TMEM154: variants seen among roughly 807,000 people sequenced by gnomAD.
TMEM154 encodes transmembrane protein 154.
TMEM154 carries 27 observed loss-of-function variants against 24.5 expected under a neutral mutation model. The observed-to-expected ratio is 1.10, with a 90% confidence interval of 0.81 to 1.52. The LOEUF (loss-of-function observed/expected upper bound fraction) is 1.52, where lower values mean the gene tolerates loss of function less well. Among genes scored for constraint, TMEM154 ranks in the 40% most tolerant of loss-of-function variants. The probability of loss-of-function intolerance (pLI) is 0.00; values close to 1 mark genes in which losing one functional copy is unlikely to be tolerated. For missense variants in TMEM154, 228 were observed against 213.4 expected, an observed-to-expected ratio of 1.07 and a Z score of -0.43; for synonymous variants, 67 against 76.8, an observed-to-expected ratio of 0.87 and a Z score of 0.67.
chr4:152,674,763 T>G (rs1227365006), intron 1 of TMEM154, among the ~76,000 whole-genome samples: 2 of 152,174 alleles, frequency 1.3e-5, no homozygotes, highest in Non-Finnish European at 2.9e-5. Flanking sequence ...TTATAGTAGC[T>G]TGGTGACAGG....
Position 152,628,400 on chromosome 4 carries a change from TG to T in TMEM154, c.*145del. On this transcript the variant is annotated 3_prime_UTR_variant, in exon 7 of 7. Transcript: ENST00000304385. Reference sequence around the variant, plus strand: ...CAAGTGATGCCATCATTAGGAAGAGTGGGCGTTGGAAGAAACAGCAAAAGGT... The same window carrying T: ...CAAGTGATGCCATCATTAGGAAGAGTGGCGTTGGAAGAAACAGCAAAAGGT... The T allele has an allele frequency of 7.7e-7, 1 of 1,299,626 alleles. No homozygotes were observed. Among genetic ancestry groups the T allele is most frequent in the Non-Finnish European group, 1.1e-6 (1 of 913,698 alleles). The allele number at this position is 1,299,626 out of a possible 1,614,324, so 80.5% of individuals were successfully genotyped here.
At chr4:152,669,670 C>A (rs1043554514) in intron 1 of TMEM154, 1 of 152,114 alleles carries the variant, frequency 6.6e-6, no homozygotes, top group African/African-American at 2.4e-5. Context: ...TAAATGAATG[C>A]ATTTAGTGTT....
chr4:152,679,984 C>A lies in TMEM154; in HGVS notation c.-51G>T, dbSNP rs1490413463. 1 of 1,541,290 alleles carries A rather than the reference C, an allele frequency of 6.5e-7. No homozygotes were observed. The highest frequency in any genetic ancestry group is 1.9e-5 in the Admixed American group (1 of 53,280). On this transcript the variant is annotated 5_prime_UTR_variant, in exon 1 of 7. Transcript: ENST00000304385. ...CTCAGGATGCTGCGCCGGGCTGCAG[C>A]CTCTCTGAAACGTGAACATTTCCTG...
At chr4:152,646,812 TTGTTTCCACGCTGAG>T (rs1728250668) in intron 3 of TMEM154, 1 of 606,736 alleles carries the variant, frequency 1.6e-6, no homozygotes. Flanking sequence ...CTTCCTTTTC[TTGTTTCCACGCTGAG>T]CAGTGAGCAA....
intron 6 of TMEM154, among the ~76,000 whole-genome samples, chr4:152,636,192 G>A (rs1752145329): frequency 6.6e-6 from 1 of 152,192 alleles, no homozygotes; most frequent in Admixed American, 6.5e-5. Flanking sequence ...CTACACAGAA[G>A]TTAAAACAAT....
chr4:152,651,921 A>G (rs1728391222), intron 3 of TMEM154, among the ~76,000 whole-genome samples: 1 of 152,208 alleles, frequency 6.6e-6, no homozygotes, highest in South Asian at 2.1e-4. Context: ...TAGGGTTATG[A>G]ATTGGCCTAA....
intron 1 of TMEM154, among the ~76,000 whole-genome samples, chr4:152,671,464 T>A (rs1010385064): frequency 5.3e-5 from 8 of 152,018 alleles, no homozygotes; most frequent in South Asian, 2.1e-4. Flanking sequence ...GAAAATAGCC[T>A]AGGCCGGGCG....
At position 152,623,959 on chromosome 4, in the gene TMEM154, C is replaced by T. The variant is rs1187307334; in HGVS notation, c.*4587G>A. 6.6e-6 allele frequency: 1 copy of T among 151,192 alleles called. No homozygotes were observed. The highest frequency in any genetic ancestry group is 2.4e-5 in the African/African-American group (1 of 41,178). 9.4% of individuals were successfully genotyped at this position (151,192 alleles called of 1,614,324 possible). ...AGTCCAGTTACTTATTTACAAAATA[C>T]TAAAGGCCAATGATAAGGTGATATG... On this transcript the variant is annotated 3_prime_UTR_variant, in exon 7 of 7. Coordinates refer to ENST00000304385, the MANE Select transcript of TMEM154 (RefSeq NM_152680.3).
intron 1 of TMEM154, among the ~76,000 whole-genome samples, chr4:152,657,483 T>C (rs919197365): frequency 6.6e-6 from 1 of 152,074 alleles, no homozygotes; most frequent in Non-Finnish European, 1.5e-5. Context: ...CACTGTACTT[T>C]AGCCTCAGCA....
At chr4:152,657,334 C>T (rs754922539) in intron 1 of TMEM154, among the ~76,000 whole-genome samples, 3 of 151,260 alleles carry the variant, frequency 2.0e-5, no homozygotes, top group Admixed American at 6.6e-5. Flanking sequence ...GGCAACATGG[C>T]AAAACTCCAT....
In TMEM154 at chr4:152,652,477, C is replaced by T. The variant is rs922398371; in HGVS notation, c.364+61G>A. 2.5e-6 allele frequency: 4 copies of T among 1,593,846 alleles called. No individual in the cohort carries two copies. In the African/African-American group the frequency reaches 5.4e-5, roughly 22 times the overall value. ...TAGTCCTTGTTGCTTAATTTTAAAA[C>T]ATCTCTGCTCCTTCTCCAATCCCAC... On this transcript the variant is annotated intron_variant, in intron 3 of 6. Coordinates refer to ENST00000304385, the MANE Select transcript of TMEM154 (RefSeq NM_152680.3).
chr4:152,656,159 A>G (rs1728487577), intron 1 of TMEM154, among the ~76,000 whole-genome samples: 1 of 152,116 alleles, frequency 6.6e-6, no homozygotes. Context: ...CACTGCCAAC[A>G]CTAGCATGGG....
chr4:152,679,945 T>A lies in TMEM154; in HGVS notation c.-12A>T. On this transcript the variant is annotated 5_prime_UTR_variant, in exon 1 of 7. Coordinates refer to ENST00000304385, the MANE Select transcript of TMEM154 (RefSeq NM_152680.3). Reference sequence around the variant, plus strand: ...CGGGGAGCCTGCATGTCCGCTCGCCTCGGCAGAGGCGCGCTCAGGATGCTG... The same window carrying A: ...CGGGGAGCCTGCATGTCCGCTCGCCACGGCAGAGGCGCGCTCAGGATGCTG... 6.2e-7 allele frequency: 1 copy of A among 1,605,668 alleles called. No individual in the cohort carries two copies. Among genetic ancestry groups the A allele is most frequent in the Non-Finnish European group, 8.5e-7 (1 of 1,176,794 alleles).
intron 3 of TMEM154, among the ~76,000 whole-genome samples, chr4:152,649,217 T>C (rs368401359): frequency 7.4e-4 from 112 of 152,366 alleles, no homozygotes; most frequent in African/African-American, 2.6e-3. Flanking sequence ...TGTATACATG[T>C]ATGACTATGT....
chr4:152,669,370 A>G (rs1728782995), intron 1 of TMEM154: 1 of 152,234 alleles, frequency 6.6e-6, no homozygotes, highest in Non-Finnish European at 1.5e-5. Context: ...CCGAAATAAA[A>G]TTACTAGGTA....
intron 6 of TMEM154, among the ~76,000 whole-genome samples, chr4:152,633,997 C>CTAGT: frequency 8.1e-6 from 1 of 123,802 alleles, no homozygotes; most frequent in East Asian, 2.5e-4. Flanking sequence ...CCACTGCACT[C>CTAGT]TAGTCGTCTG....
intron 6 of TMEM154, among the ~76,000 whole-genome samples, chr4:152,629,009 G>A (rs528408956): frequency 1.1e-4 from 16 of 152,070 alleles, no homozygotes; most frequent in Non-Finnish European, 2.1e-4. Flanking sequence ...TGACTGAAGA[G>A]ATCACAAACC....
At chr4:152,629,812 A>C (rs1751998410) in intron 6 of TMEM154, among the ~76,000 whole-genome samples, 1 of 152,222 alleles carries the variant, frequency 6.6e-6, no homozygotes, top group African/African-American at 2.4e-5. Flanking sequence ...ACACATAGAT[A>C]GATAGACAGA....
At chr4:152,675,617 A>G (rs559801025) in intron 1 of TMEM154, among the ~76,000 whole-genome samples, 5 of 152,262 alleles carry the variant, frequency 3.3e-5, no homozygotes. Flanking sequence ...ACGAGAGTGA[A>G]ACTCTGTCTC....
Sources: gnomAD v4.1 joint callset for allele counts (sites outside exome capture counted in the v4.1 genomes callset) on GRCh38, gnomAD v4.1.1 for gene constraint, MANE v1.5 for transcripts, NCBI Gene and HGNC (gene_info 2026-07-23, HGNC 2026-07-21) for gene names.